The following TOB1 variants were observed in gnomAD, a reference collection of about 807,000 sequenced individuals.
TOB1 encodes protein Tob1.
In TOB1, 2 loss-of-function variants were observed where a neutral mutation model predicts 22.9. The observed-to-expected ratio is 0.09, with a 90% CI of 0.04 to 0.28. The LOEUF is 0.28. TOB1 is among the 10% of genes least tolerant of loss of function. The probability of loss-of-function intolerance (pLI) is 1.00; values close to 1 mark genes in which losing one functional copy is unlikely to be tolerated. For missense variants in TOB1, 299 were observed against 420.5 expected (o/e 0.71, Z 2.53); for synonymous variants, 154 against 150.6 (o/e 1.02, Z -0.17).
chr17:50,862,821 T>C lies in TOB1; in HGVS notation c.*159A>G. 1 of 1,049,802 alleles carries C rather than the reference T, an allele frequency of 9.5e-7. No individual in the cohort carries two copies. The highest frequency in any genetic ancestry group is 2.7e-5 in the East Asian group (1 of 36,502). 65.0% of individuals were successfully genotyped at this position (1,049,802 alleles called of 1,614,324 possible). A position where few individuals can be genotyped will look rare whatever the true frequency, so the allele number is the denominator to read the frequency against. Reference sequence around the variant, plus strand: ...CAGTATAAAATAACTTTGTGCTTGGTTGGCAAATGAAAAATGATGCATGTT... The same window carrying C: ...CAGTATAAAATAACTTTGTGCTTGGCTGGCAAATGAAAAATGATGCATGTT... On this transcript the variant is annotated 3_prime_UTR_variant, in exon 2 of 2. Coordinates refer to ENST00000499247, the MANE Select transcript of TOB1 (RefSeq NM_005749.4).
At position 50,862,865 on chromosome 17, in the gene TOB1, C is replaced by A; in HGVS notation, c.*115G>T. 7.5e-7 allele frequency: 1 copy of A among 1,331,096 alleles called. No individual in the cohort carries two copies. The highest frequency in any genetic ancestry group is 1.8e-5 in the South Asian group (1 of 54,888). The allele number at this position is 1,331,096 out of a possible 1,614,324, so 82.5% of individuals were successfully genotyped here. A position where few individuals can be genotyped will look rare whatever the true frequency, so the allele number is the denominator to read the frequency against. On this transcript the variant is annotated 3_prime_UTR_variant, in exon 2 of 2. Coordinates refer to ENST00000499247, the MANE Select transcript of TOB1 (RefSeq NM_005749.4). ...GCATGTTTTATTATTATTTTTTTAA[C>A]CAAGCTTGAATGTATCCTTACTATA... is the stretch of plus-strand genomic sequence containing the variant.
rs1972258547 is a variant in TOB1, at chr17:50,863,984, T to C, written c.34A>G (p.Ile12Val). 6.3e-7 allele frequency: 1 copy of C among 1,593,294 alleles called. No homozygotes were observed. The highest frequency in any genetic ancestry group is 1.8e-5 in the Admixed American group (1 of 56,838). Residue 12 changes from isoleucine (I) to valine (V), a missense_variant, in exon 2 of 2, where the codon ATT becomes GTT. Transcript: ENST00000499247. Reference protein sequence around the residue: ...QLEIQVALNFIISYLYNKLPR... With the variant: ...QLEIQVALNFVISYLYNKLPR... ...AGCTTATTGTACAAATACGAAATAA[T>C]AAAATTTAGTGCTACTTGGATTTCA... is the stretch of plus-strand genomic sequence containing the variant.
chr17:50,864,224 C>T, intron 1 of TOB1, 61 bp from the exon 2 acceptor site: 3 of 964,378 alleles, frequency 3.1e-6, no homozygotes, highest in Non-Finnish European at 4.1e-6. Flanking sequence ...CATGACCTTC[C>T]CCCCTCCAAA....
chr17:50,865,660 TGGCCCCCGCCCCGG>T (rs1972288657), intron 1 of TOB1, among the ~76,000 whole-genome samples: 2 of 151,406 alleles, frequency 1.3e-5, no homozygotes, highest in South Asian at 4.2e-4. Flanking sequence ...CCCCGCCCCG[TGGCCCCCGCCCCGG>T]GCTCCTGGGA....
rs760446735 is a variant in TOB1 at position 50,863,472 on chromosome 17, A to G, written c.546T>C (p.Phe182=). 10 of 1,614,196 alleles carry G rather than the reference A, an allele frequency of 6.2e-6. No homozygotes were observed. In the South Asian group the frequency reaches 1.1e-4, roughly 18 times the overall value. The change falls in exon 2 of 2, where the codon TTT becomes TTC. Residue 182 remains phenylalanine, a synonymous_variant. Coordinates refer to ENST00000499247, the MANE Select transcript of TOB1 (RefSeq NM_005749.4). The stretch of plus-strand genomic sequence containing the variant: ...TGGTAGAGCCGAACTTGGTGGCAGC[A>G]AAAGTGGCAGTGGTAAAGGTTAAAG... The part of the protein sequence containing the change: ...TQPLTFTTAT[F]AATKFGSTKM...
Position 50,862,632 on chromosome 17 carries a change from C to T in TOB1, c.*348G>A, listed in dbSNP as rs1330303993. ...CGTAGAAACAATATATATATATCCT[C>T]TGATATTTTACAAACTTTGTACTAA... On this transcript the variant is annotated 3_prime_UTR_variant, in exon 2 of 2. Transcript: ENST00000499247. 2 of 181,174 alleles carry T rather than the reference C, an allele frequency of 1.1e-5. No individual in the cohort carries two copies. The highest frequency in any genetic ancestry group is 2.4e-5 in the African/African-American group (1 of 42,534). The allele number at this position is 181,174 out of a possible 1,614,324, so 11.2% of individuals were successfully genotyped here.
rs759229481 is a variant in TOB1 at position 50,863,380 on chromosome 17, A to G, written c.638T>C (p.Val213Ala). 3.7e-6 allele frequency: 6 copies of G among 1,614,116 alleles called. No individual in the cohort carries two copies. The highest frequency in any genetic ancestry group is 1.1e-5 in the South Asian group (1 of 91,066). The part of the protein sequence containing the change: ...RTSPINLGLN[V>A]NDLLKQKAIS... ...GGCTTTCTGCTTCAAGAGGTCATTC[A>G]CATTCAAGCCGAGGTTGATGGGAGA... The change falls in exon 2 of 2, where the codon GTG becomes GCG. Residue 213 changes from valine to alanine, a missense_variant. Transcript: ENST00000499247.
chr17:50,863,510 G>A lies in TOB1; in HGVS notation c.508C>T (p.Arg170Trp), dbSNP rs748710916. Residue 170 changes from arginine (R) to tryptophan (W), a missense_variant, in exon 2 of 2, where the codon CGG (arginine) becomes TGG (tryptophan). Coordinates refer to ENST00000499247, the MANE Select transcript of TOB1 (RefSeq NM_005749.4). ...SAAVSPTFMP[R>W]STQPLTFTTA... is the part of the protein sequence containing the mutation. ...GTAAAGGTTAAAGGCTGAGTGGACC[G>A]GGGCATGAAGGTAGGGCTTACAGCA... 1.9e-6 allele frequency: 3 copies of A among 1,614,162 alleles called. No homozygotes were observed. Among genetic ancestry groups the A allele is most frequent in the South Asian group, 1.1e-5 (1 of 91,090 alleles).
rs571101443 is a variant in TOB1 at position 50,862,857 on chromosome 17, T to G, written c.*123A>C. ...AAAATGATGCATGTTTTATTATTAT[T>G]TTTTTAACCAAGCTTGAATGTATCC... On this transcript the variant is annotated 3_prime_UTR_variant, in exon 2 of 2. Transcript: ENST00000499247. 1.5e-6 allele frequency: 2 copies of G among 1,320,456 alleles called. No individual in the cohort carries two copies. The highest frequency in any genetic ancestry group is 3.0e-5 in the African/African-American group (2 of 67,038). The allele number at this position is 1,320,456 out of a possible 1,614,324, so 81.8% of individuals were successfully genotyped here. A position where few individuals can be genotyped will look rare whatever the true frequency, so the allele number is the denominator to read the frequency against.
At position 50,863,556 on chromosome 17, in the gene TOB1, C is replaced by T. The variant is rs771552126; in HGVS notation, c.462G>A (p.Ser154=). 37 of 1,613,928 alleles carry T rather than the reference C, an allele frequency of 2.3e-5. No individual in the cohort carries two copies. Among genetic ancestry groups the T allele is most frequent in the Admixed American group, 2.2e-4 (13 of 59,988 alleles). Residue 154 remains serine, a synonymous_variant, in exon 2 of 2, where the codon TCG becomes TCA. Transcript: ENST00000499247. ...DPASSVSSSP[S]PPFGHSAAVS... is the part of the protein sequence containing the mutation. ...CAGCAGCAGAGTGACCAAAAGGAGG[C>T]GATGGAGAGCTGGACACTGATGAGG...
rs1972232291 is a variant in TOB1, at chr17:50,862,764, C to T, written c.*216G>A. The T allele has an allele frequency of 3.5e-6, 2 of 575,336 alleles. No individual in the cohort carries two copies. Among genetic ancestry groups the T allele is most frequent in the Non-Finnish European group, 5.4e-6 (2 of 371,836 alleles). The allele number at this position is 575,336 out of a possible 1,614,324, so 35.6% of individuals were successfully genotyped here. On this transcript the variant is annotated 3_prime_UTR_variant, in exon 2 of 2. Coordinates refer to ENST00000499247, the MANE Select transcript of TOB1 (RefSeq NM_005749.4). Reference sequence around the variant, plus strand: ...CTATATCTTAAATACTGTAAGAGGCCATATCTGAGAGTATACTTTAAAATA... The same window carrying T: ...CTATATCTTAAATACTGTAAGAGGCTATATCTGAGAGTATACTTTAAAATA...
At position 50,866,328 on chromosome 17, in the gene TOB1, A is replaced by C. The variant is rs1056900515; in HGVS notation, c.-417T>G. On this transcript the variant is annotated 5_prime_UTR_variant, in exon 1 of 2. Coordinates refer to ENST00000499247, the MANE Select transcript of TOB1 (RefSeq NM_005749.4). Reference sequence around the variant, plus strand: ...AGCGTCCCCGTAGTGCGCCCGCTACACGCCGGGCCAGAGCTTCGCTCCTTC... The same window carrying C: ...AGCGTCCCCGTAGTGCGCCCGCTACCCGCCGGGCCAGAGCTTCGCTCCTTC... 1.3e-5 allele frequency: 2 copies of C among 152,112 alleles called. No individual in the cohort carries two copies. Among genetic ancestry groups the C allele is most frequent in the Admixed American group, 6.5e-5 (1 of 15,276 alleles). 9.4% of individuals were successfully genotyped at this position (152,112 alleles called of 1,614,324 possible).
chr17:50,863,806 G>A lies in TOB1; in HGVS notation c.212C>T (p.Ala71Val). 1 of 1,614,038 alleles carries A rather than the reference G, an allele frequency of 6.2e-7. No homozygotes were observed. The stretch of plus-strand genomic sequence containing the variant: ...AATGTCCAAACCACTCTCTTTGGAT[G>A]CTTGTTCAATCACTGGGTCCACTTT... ...GEKVDPVIEQ[A>V]SKESGLDIDD... Residue 71 changes from alanine (A) to valine (V), a missense_variant, in exon 2 of 2, where the codon GCA becomes GTA. Physicochemically the swap from Ala to Val is moderately conservative, Grantham distance 64 (BLOSUM62 0). Transcript: ENST00000499247.
chr17:50,862,918 G>T lies in TOB1; in HGVS notation c.*62C>A. ...CTTAAAAAAAAAAATTCTCAAGGAG[G>T]TGAAAAAAAAAATCCCCCTTGGGCC... On this transcript the variant is annotated 3_prime_UTR_variant, in exon 2 of 2. Coordinates refer to ENST00000499247, the MANE Select transcript of TOB1 (RefSeq NM_005749.4). 1 of 1,485,218 alleles carries T rather than the reference G, an allele frequency of 6.7e-7. No individual in the cohort carries two copies. The allele number at this position is 1,485,218 out of a possible 1,614,324, so 92.0% of individuals were successfully genotyped here.
rs1290021560 is a variant in TOB1, at chr17:50,863,539, G to C, written c.479C>G (p.Ser160Cys). 1 of 1,614,224 alleles carries C rather than the reference G, an allele frequency of 6.2e-7. No individual in the cohort carries two copies. Among genetic ancestry groups the C allele is most frequent in the East Asian group, 2.2e-5 (1 of 44,888 alleles). Residue 160 changes from serine to cysteine, a missense_variant, in exon 2 of 2, where the codon TCT becomes TGT. Ser to Cys is a moderately radical substitution (Grantham distance 112, BLOSUM62 -1). Coordinates refer to ENST00000499247, the MANE Select transcript of TOB1 (RefSeq NM_005749.4). ...SSSPSPPFGH[S>C]AAVSPTFMPR... ...CATGAAGGTAGGGCTTACAGCAGCA[G>C]AGTGACCAAAAGGAGGCGATGGAGA...
chr17:50,863,671 T>C lies in TOB1; in HGVS notation c.347A>G (p.Asp116Gly). 6.2e-7 allele frequency: 1 copy of C among 1,614,118 alleles called. No individual in the cohort carries two copies. Among genetic ancestry groups the C allele is most frequent in the Non-Finnish European group, 8.5e-7 (1 of 1,179,984 alleles). The change falls in exon 2 of 2, where the codon GAT becomes GGT. Residue 116 changes from aspartate to glycine, a missense_variant. Asp to Gly is a moderately conservative substitution (Grantham distance 94, BLOSUM62 -1). Transcript: ENST00000499247. ...CAACTCACATCCATTTTCATTATTA[T>C]CATCCACGTAAAGCACCTTCACTGG... Reference protein sequence around the residue: ...KGPVKVLYVDDNNENGCELDK... With the variant: ...KGPVKVLYVDGNNENGCELDK...
Position 50,863,388 on chromosome 17 carries a change from G to A in TOB1, c.630C>T (p.Gly210=), listed in dbSNP as rs1972245698. The A allele has an allele frequency of 6.2e-7, 1 of 1,614,140 alleles. No homozygotes were observed. ...GCTTCAAGAGGTCATTCACATTCAA[G>A]CCGAGGTTGATGGGAGAAGTACGTG... The part of the protein sequence containing the change: ...KVARTSPINL[G]LNVNDLLKQK... The change falls in exon 2 of 2, where the codon GGC becomes GGT. Residue 210 remains glycine, a synonymous_variant. Coordinates refer to ENST00000499247, the MANE Select transcript of TOB1 (RefSeq NM_005749.4).
At chr17:50,865,833 C>A (rs1972294106) in intron 1 of TOB1, among the ~76,000 whole-genome samples, 1 of 151,962 alleles carries the variant, frequency 6.6e-6, no homozygotes, top group Non-Finnish European at 1.5e-5. Context: ...CCCCGGGCCG[C>A]CCGTCCCCGG....
rs1436924644 is a variant in TOB1, at chr17:50,864,156, T to A, written c.-139A>T. 1 of 1,381,308 alleles carries A rather than the reference T, an allele frequency of 7.2e-7. No individual in the cohort carries two copies. The highest frequency in any genetic ancestry group is 9.3e-7 in the Non-Finnish European group (1 of 1,070,650). 85.6% of individuals were successfully genotyped at this position (1,381,308 alleles called of 1,614,324 possible). A position where few individuals can be genotyped will look rare whatever the true frequency, so the allele number is the denominator to read the frequency against. On this transcript the variant is annotated 5_prime_UTR_variant, in exon 2 of 2. Coordinates refer to ENST00000499247, the MANE Select transcript of TOB1 (RefSeq NM_005749.4). Reference sequence around the variant, plus strand: ...GTAGATTATCCTTCACCTTGAGTGATCTTGTTCCTTAAAACAAAAGCAAAC... The same window carrying A: ...GTAGATTATCCTTCACCTTGAGTGAACTTGTTCCTTAAAACAAAAGCAAAC...
Sources: gnomAD v4.1 joint callset for allele counts (sites outside exome capture counted in the v4.1 genomes callset) on GRCh38, gnomAD v4.1.1 for gene constraint, MANE v1.5 for transcripts, NCBI Gene and HGNC (gene_info 2026-07-23, HGNC 2026-07-21) for gene names.